The following SDK2 variants were observed in gnomAD, a reference collection of about 807,000 sequenced individuals.
SDK2 encodes the protein protein sidekick-2.
A neutral mutation model predicts 253.9 loss-of-function variants in SDK2; 105 were observed. The observed-to-expected ratio is 0.41, with a 90% CI of 0.35 to 0.49. The LOEUF (loss-of-function observed/expected upper bound fraction) is 0.49, where lower values mean the gene tolerates loss of function less well. Ranked by LOEUF, SDK2 falls within the 20% of genes least tolerant of loss-of-function variation. The pLI is 0.06. For synonymous variants in SDK2, 1,249 were observed against 1,234.9 expected (o/e 1.01, Z -0.24); for missense variants, 2,608 against 3,003.0 (o/e 0.87, Z 3.07).
At chr17:73,599,068 T>C (rs1445175487) in intron 1 of SDK2, among the ~76,000 whole-genome samples, 1 of 152,208 alleles carries the variant, frequency 6.6e-6, no homozygotes, top group Admixed American at 6.5e-5. Flanking sequence ...GAGTTACCCC[T>C]TTTCTTGTTT....
chr17:73,480,894 G>A (rs1313436918), intron 2 of SDK2, among the ~76,000 whole-genome samples: 2 of 152,192 alleles, frequency 1.3e-5, no homozygotes. Context: ...GGCACCTCAG[G>A]AACAGCAATG....
At chr17:73,397,202 C>T (rs1482108388) in intron 24 of SDK2, among the ~76,000 whole-genome samples, 2 of 152,170 alleles carry the variant, frequency 1.3e-5, no homozygotes, top group Non-Finnish European at 2.9e-5. Flanking sequence ...GCTGTTCCCA[C>T]ATTTATTTGT....
At chr17:73,491,972 C>T (rs1457010091) in intron 2 of SDK2, among the ~76,000 whole-genome samples, 1 of 152,200 alleles carries the variant, frequency 6.6e-6, no homozygotes, top group Non-Finnish European at 1.5e-5. Context: ...GATGTGGAGT[C>T]CATTTCCCCA....
intron 1 of SDK2, among the ~76,000 whole-genome samples, chr17:73,627,239 C>A (rs1052306754): frequency 2.0e-5 from 3 of 152,110 alleles, no homozygotes; most frequent in African/African-American, 7.2e-5. Context: ...CCTCTAAATG[C>A]ACATTGTTTT....
At chr17:73,601,083 G>C (rs985398780) in intron 1 of SDK2, among the ~76,000 whole-genome samples, 4 of 150,842 alleles carry the variant, frequency 2.7e-5, no homozygotes, top group Admixed American at 6.6e-5. Context: ...GCAGTGGCAT[G>C]ATCTCAGCTC....
intron 3 of SDK2, 66 bp downstream of exon 3, chr17:73,472,046 T>C (rs1188616494): frequency 3.5e-5 from 41 of 1,182,254 alleles, no homozygotes; most frequent in Non-Finnish European, 5.0e-5. Context: ...GCCCAGGATG[T>C]GGCTGGTGGG....
At chr17:73,581,261 G>A (rs1198332338) in intron 1 of SDK2, among the ~76,000 whole-genome samples, 1 of 152,098 alleles carries the variant, frequency 6.6e-6, no homozygotes, top group African/African-American at 2.4e-5. Context: ...TTCAAACACA[G>A]ACTCCCCAAG....
Position 73,630,657 on chromosome 17 carries a change from C to T in SDK2, c.64+13368G>A, listed in dbSNP as rs143484522. Among the ~76,000 whole-genome samples, 94 of 152,298 alleles carry T rather than the reference C, an allele frequency of 6.2e-4. 1 individual carries two copies. Among genetic ancestry groups the T allele is most frequent in the African/African-American group, 2.2e-3 (92 of 41,568 alleles). On this transcript the variant is annotated intron_variant, in intron 1 of 44. Transcript: ENST00000392650. Reference sequence around the variant, plus strand: ...CTAATCCCTAAACCCTGGGGCTGGACATTCCAAGTTCCTGGAGACACAATA... The same window carrying T: ...CTAATCCCTAAACCCTGGGGCTGGATATTCCAAGTTCCTGGAGACACAATA...
In SDK2 at chr17:73,612,856, G is replaced by A. The variant is rs1024443067; in HGVS notation, c.64+31169C>T. The stretch of plus-strand genomic sequence containing the variant: ...CTCTTGAACCCAGGAGGCAGAAGTT[G>A]CAGTGAGCCAAGATCGCGCCATTGC... On this transcript the variant is annotated intron_variant, in intron 1 of 44. Coordinates refer to ENST00000392650, the MANE Select transcript of SDK2 (RefSeq NM_001144952.2). The surrounding 1 kb of genome is among the most constrained non-coding windows in gnomAD (Gnocchi z 4.4). 1.7e-4 allele frequency among the ~76,000 whole-genome samples: 26 copies of A among 152,190 alleles called. No individual in the cohort carries two copies. Among genetic ancestry groups the A allele is most frequent in the African/African-American group, 5.5e-4 (23 of 41,454 alleles).
intron 1 of SDK2, among the ~76,000 whole-genome samples, chr17:73,507,885 C>T (rs561404701): frequency 6.6e-6 from 1 of 152,356 alleles, no homozygotes; most frequent in South Asian, 2.1e-4. Context: ...CTGTCACTTC[C>T]CTCTCAGCAT....
At chr17:73,503,266 A>G (rs532623412) in intron 2 of SDK2, among the ~76,000 whole-genome samples, 1 of 152,368 alleles carries the variant, frequency 6.6e-6, no homozygotes, top group Non-Finnish European at 1.5e-5. Context: ...CATCCGAACA[A>G]ATGGAGAAAC....
chr17:73,489,570 C>T (rs2063791694), intron 2 of SDK2, among the ~76,000 whole-genome samples: 1 of 152,144 alleles, frequency 6.6e-6, no homozygotes, highest in Non-Finnish European at 1.5e-5. Context: ...TCTGGGTTTC[C>T]TTAGACCAGA....
Position 73,467,650 on chromosome 17 carries a change from T to C in SDK2, c.331+4462A>G, listed in dbSNP as rs1293240647. ...AGCAAGGGCATGAATGGGGGAGGTA[T>C]GCTTCTCTCCTTCCCATCCTGGCTG... On this transcript the variant is annotated intron_variant, in intron 3 of 44. Coordinates refer to ENST00000392650, the MANE Select transcript of SDK2 (RefSeq NM_001144952.2). The surrounding 1 kb of genome is among the most constrained non-coding windows in gnomAD (Gnocchi z 4.1). Among the ~76,000 whole-genome samples, 1 of 152,162 alleles carries C rather than the reference T, an allele frequency of 6.6e-6. No homozygotes were observed. The highest frequency in any genetic ancestry group is 2.4e-5 in the African/African-American group (1 of 41,444).
rs779436125 is a variant in SDK2 at position 73,401,993 on chromosome 17, C to G, written c.2633G>C (p.Gly878Ala). 6.2e-6 allele frequency: 10 copies of G among 1,613,540 alleles called. No individual in the cohort carries two copies. The highest frequency in any genetic ancestry group is 7.6e-6 in the Non-Finnish European group (9 of 1,179,814). The change falls in exon 19 of 45, where the codon GGG (glycine) becomes GCG (alanine). Residue 878 changes from glycine to alanine, a missense_variant. Physicochemically the swap from Gly to Ala is moderately conservative, Grantham distance 60. Transcript: ENST00000392650. ...FTSVLCFTTP[G>A]DGPRSTPQLV... ...CTGCGGGGTGCTGCGTGGCCCGTCC[C>G]CGGGGGTGGTGAAACACAGCACTGA...
chr17:73,495,024 T>C (rs2063832214), intron 2 of SDK2, among the ~76,000 whole-genome samples: 1 of 152,242 alleles, frequency 6.6e-6, no homozygotes, highest in South Asian at 2.1e-4. Context: ...GTGGAGGTGT[T>C]GTACCTGCCC....
chr17:73,537,387 C>T (rs1205324898), intron 1 of SDK2, among the ~76,000 whole-genome samples: 2 of 152,142 alleles, frequency 1.3e-5, no homozygotes, highest in Non-Finnish European at 2.9e-5. Context: ...CCCCCTTCTG[C>T]CCCGACTCCA....
rs756491454 is a variant in SDK2 at position 73,419,239 on chromosome 17, G to T, written c.2113C>A (p.Gln705Lys). 9.5e-5 allele frequency: 153 copies of T among 1,612,856 alleles called. No individual in the cohort carries two copies. Among genetic ancestry groups the T allele is most frequent in the Non-Finnish European group, 1.2e-4 (144 of 1,179,638 alleles). The change falls in exon 16 of 45, where the codon CAG becomes AAG. Residue 705 changes from glutamine (Q) to lysine (K), a missense_variant. Physicochemically the swap from Gln to Lys is moderately conservative, Grantham distance 53. Coordinates refer to ENST00000392650, the MANE Select transcript of SDK2 (RefSeq NM_001144952.2). ...QNVIASGRTNQSIMIQWQPPP... is the reference protein window; with the variant it reads ...QNVIASGRTNKSIMIQWQPPP... ...GGCTGCCACTGGATCATGATGGACTGGTTGGTTCGACCGCTGGCGATGACG... is the reference window on the plus strand; with the variant it reads ...GGCTGCCACTGGATCATGATGGACTTGTTGGTTCGACCGCTGGCGATGACG...
chr17:73,472,086 T>C, intron 3 of SDK2, 26 bp downstream of exon 3: 5 of 1,514,402 alleles, frequency 3.3e-6, no homozygotes. Flanking sequence ...TCGCCCCCCC[T>C]GCCCCTGGGT....
At chr17:73,475,090 A>C (rs1013187188) in intron 2 of SDK2, among the ~76,000 whole-genome samples, 12 of 152,194 alleles carry the variant, frequency 7.9e-5, no homozygotes, top group Non-Finnish European at 1.5e-4. Context: ...AAGTCTATGA[A>C]AATTAGAATA....
Sources: allele counts gnomAD v4.1 joint callset (sites outside exome capture counted in the v4.1 genomes callset), GRCh38; gene constraint gnomAD v4.1.1; non-coding constraint Gnocchi (gnomAD v3.1); transcripts MANE v1.5; gene names NCBI Gene and HGNC (gene_info 2026-07-23, HGNC 2026-07-21).